CDHR2: variants seen among roughly 807,000 people sequenced by gnomAD.
CDHR2 encodes the protein cadherin-related family member 2.
A neutral mutation model predicts 138.6 loss-of-function variants in CDHR2; 104 were observed. The ratio of observed to expected loss-of-function variants is 0.75; its 90% CI spans 0.64 to 0.88. The LOEUF is 0.88. Among genes scored for constraint, CDHR2 ranks in the 40% least tolerant of loss-of-function variants. CDHR2 has a pLI of 0.00. For missense variants in CDHR2, 1,624 were observed against 1,727.6 expected (o/e 0.94, Z 1.06); for synonymous variants, 755 against 742.8 (o/e 1.02, Z -0.27).
At chr5:176,589,818 G>T (rs1246173115) in intron 24 of CDHR2, among the ~76,000 whole-genome samples, 1 of 152,198 alleles carries the variant, frequency 6.6e-6, no homozygotes, top group African/African-American at 2.4e-5. Context: ...GCAGAGGGAA[G>T]CCTTGGAACA....
chr5:176,578,020 T>A lies in CDHR2; in HGVS notation c.1513-14T>A, dbSNP rs766409167. 4 of 1,607,408 alleles carry A rather than the reference T, an allele frequency of 2.5e-6. No homozygotes were observed. The East Asian group carries it at 6.7e-5, about 27-fold the overall frequency. On this transcript the variant is annotated splice_polypyrimidine_tract_variant and intron_variant, in intron 14 of 31. Coordinates refer to ENST00000261944, the MANE Select transcript of CDHR2 (RefSeq NM_017675.6). ...CGCCTCCACACAGCACCCTGCCATG[T>A]CTCTGCCTCACAGGCCACGGACCCA...
At chr5:176,578,767 C>A (rs188680698) in intron 16 of CDHR2, among the ~76,000 whole-genome samples, 159 bp downstream of exon 16, 1 of 152,176 alleles carries the variant, frequency 6.6e-6, no homozygotes, top group Non-Finnish European at 1.5e-5. Flanking sequence ...AAAATTATAG[C>A]CTTACTCTCA....
rs112561151 is a variant in CDHR2 at position 176,578,297 on chromosome 5, A to C, written c.1575-68A>C. On this transcript the variant is annotated intron_variant, in intron 15 of 31. Transcript: ENST00000261944. ...GATATGCTGAAATATTTGTTGTTGT[A>C]TATCTGAAATTCACACTGAAATGGG... 1.5e-5 allele frequency: 22 copies of C among 1,447,258 alleles called. No individual in the cohort carries two copies. The African/African-American group carries it at 1.8e-4, about 12-fold the overall frequency. The allele number at this position is 1,447,258 out of a possible 1,614,324, so 89.7% of individuals were successfully genotyped here.
In CDHR2 at chr5:176,567,330, G is replaced by A. The variant is rs1758108168; in HGVS notation, c.125-1348G>A. Reference sequence around the variant, plus strand: ...CTACAGGCATGTGCCACCATGCCTAGCTAATATTTTATTTTTTAAAGTAGA... The same window carrying A: ...CTACAGGCATGTGCCACCATGCCTAACTAATATTTTATTTTTTAAAGTAGA... On this transcript the variant is annotated intron_variant, in intron 3 of 31. Coordinates refer to ENST00000261944, the MANE Select transcript of CDHR2 (RefSeq NM_017675.6). Among the ~76,000 whole-genome samples the A allele has an allele frequency of 1.3e-5, 2 of 151,872 alleles. 1 individual carries two copies. Among genetic ancestry groups the A allele is most frequent in the South Asian group, 4.2e-4 (2 of 4,806 alleles).
At chr5:176,555,752 A>T (rs12655817) in intron 1 of CDHR2, among the ~76,000 whole-genome samples, 1 of 151,908 alleles carries the variant, frequency 6.6e-6, no homozygotes, top group Non-Finnish European at 1.5e-5. Flanking sequence ...ACTAAAAATA[A>T]AAAAATTAGC....
At position 176,590,471 on chromosome 5, in the gene CDHR2, G is replaced by A; in HGVS notation, c.3400G>A (p.Gly1134Arg). ...QDSLTQLLQL[G>R]LVVLGSQESQ... is the part of the protein sequence containing the mutation. ...CTCGCTGACGCAGCTGCTGCAGCTGGGGCTGGTGGTGCTGGTGAGTGCGGG... is the reference window on the plus strand; with the variant it reads ...CTCGCTGACGCAGCTGCTGCAGCTGAGGCTGGTGGTGCTGGTGAGTGCGGG... The change falls in exon 27 of 32, where the codon GGG (glycine) becomes AGG (arginine). Residue 1134 changes from glycine to arginine, a missense_variant. By Grantham distance (125) the Gly-to-Arg change is moderately radical. Transcript: ENST00000261944. The A allele has an allele frequency of 5.6e-6, 9 of 1,613,958 alleles. No individual in the cohort carries two copies. Among genetic ancestry groups the A allele is most frequent in the Non-Finnish European group, 6.8e-6 (8 of 1,179,920 alleles).
chr5:176,571,330 G>A lies in CDHR2; in HGVS notation c.405+28G>A, dbSNP rs138479260. 177 of 1,533,478 alleles carry A rather than the reference G, an allele frequency of 1.2e-4. 1 individual carries two copies. In the African/African-American group the frequency reaches 2.1e-3, roughly 18 times the overall value. The allele number at this position is 1,533,478 out of a possible 1,614,324, so 95.0% of individuals were successfully genotyped here. ...GACACCTGCCTTAATGTGGTTGTGG[G>A]GCAGGGGGCATCCCAAAGTGCTTCT... On this transcript the variant is annotated intron_variant, in intron 6 of 31. Transcript: ENST00000261944.
intron 21 of CDHR2, among the ~76,000 whole-genome samples, chr5:176,587,323 C>T (rs1293657344): frequency 2.0e-5 from 3 of 152,224 alleles, no homozygotes; most frequent in East Asian, 1.9e-4. Context: ...TGGTGCATGC[C>T]TGTAATCCCA....
chr5:176,568,225 G>A (rs1758127797), intron 3 of CDHR2, among the ~76,000 whole-genome samples: 1 of 152,186 alleles, frequency 6.6e-6, no homozygotes, highest in Non-Finnish European at 1.5e-5. Flanking sequence ...GCCCAGGCAT[G>A]CAGTACAAGA....
At chr5:176,589,814 G>A (rs140264129) in intron 24 of CDHR2, among the ~76,000 whole-genome samples, 198 bp downstream of exon 24, 5 of 152,308 alleles carry the variant, frequency 3.3e-5, no homozygotes, top group Non-Finnish European at 7.4e-5. Context: ...AAGGGCAGAG[G>A]GAAGCCTTGG....
rs1191365785 is a variant in CDHR2, at chr5:176,543,029, T to G, written c.-16+260T>G. Among the ~76,000 whole-genome samples, 1 of 151,208 alleles carries G rather than the reference T, an allele frequency of 6.6e-6. No homozygotes were observed. The highest frequency in any genetic ancestry group is 2.1e-4 in the South Asian group (1 of 4,798). On this transcript the variant is annotated intron_variant, in intron 1 of 31. Coordinates refer to the CDHR2 transcript ENST00000510636. The surrounding 1 kb of genome is among the most constrained non-coding windows in gnomAD (Gnocchi z 4.0). The stretch of plus-strand genomic sequence containing the variant: ...CGCAGGGCACGCGGGGGCTCGGAGT[T>G]CCCCGGGGCTCCCCGAGTTGGGGCG...
In CDHR2 at chr5:176,576,461, TG is replaced by T. The variant is rs923648760; in HGVS notation, c.1194+279del. On this transcript the variant is annotated intron_variant, in intron 12 of 31. Transcript: ENST00000261944. This position sits in a 1 kb window ranked among gnomAD's most constrained non-coding sequence, Gnocchi z 4.5. ...AGTAGAACATCATTGTCCGTGGTGA[TG>T]GGTGGCTGGCGAGGTCTCCTGGCAT... Among the ~76,000 whole-genome samples the T allele has an allele frequency of 6.6e-6, 1 of 151,806 alleles. No homozygotes were observed. The highest frequency in any genetic ancestry group is 2.4e-5 in the African/African-American group (1 of 41,306).
At chr5:176,592,327 G>T (rs1349258951) in intron 30 of CDHR2, among the ~76,000 whole-genome samples, 6 of 150,484 alleles carry the variant, frequency 4.0e-5, no homozygotes, top group Non-Finnish European at 8.9e-5. Context: ...TGGTGTTGGT[G>T]TTGAGGTGAT....
chr5:176,591,630 G>A lies in CDHR2; in HGVS notation c.3734+146G>A, dbSNP rs528610191. 734 of 615,464 alleles carry A rather than the reference G, an allele frequency of 1.2e-3. 1 individual carries two copies. Among genetic ancestry groups the A allele is most frequent in the Non-Finnish European group, 1.8e-3 (616 of 337,386 alleles). 38.1% of individuals were successfully genotyped at this position (615,464 alleles called of 1,614,324 possible). A position where few individuals can be genotyped will look rare whatever the true frequency, so the allele number is the denominator to read the frequency against. On this transcript the variant is annotated intron_variant, in intron 30 of 31. Transcript: ENST00000261944. ...AGTAGTGGTAGTTATGGTGGTGGTG[G>A]TGATGGTAGTGAGGTGATGGTGATG...
chr5:176,568,594 C>T, intron 3 of CDHR2, 84 bp from the exon 4 acceptor site: 1 of 1,512,402 alleles, frequency 6.6e-7, no homozygotes, highest in Non-Finnish European at 9.0e-7. Context: ...AGCCAGGCGC[C>T]CAGCCCAGCC....
In CDHR2 at chr5:176,576,013, T is replaced by C. The variant is rs748543885; in HGVS notation, c.1022T>C (p.Val341Ala). ...QEAKVSIWVT[V>A]RVMDVNDHKP... ...GCCAAGGTGAGCATCTGGGTGACAG[T>C]GAGAGTGATGGACGTCAATGACCAC... The change falls in exon 12 of 32, where the codon GTG becomes GCG. Residue 341 changes from valine to alanine, a missense_variant. By Grantham distance (64) the Val-to-Ala change is moderately conservative. Coordinates refer to ENST00000261944, the MANE Select transcript of CDHR2 (RefSeq NM_017675.6). The surrounding 1 kb of genome is among the most constrained non-coding windows in gnomAD (Gnocchi z 4.5). 66 of 1,611,872 alleles carry C rather than the reference T, an allele frequency of 4.1e-5. No individual in the cohort carries two copies. Among genetic ancestry groups the C allele is most frequent in the Non-Finnish European group, 5.5e-5 (65 of 1,179,784 alleles).
intron 3 of CDHR2, among the ~76,000 whole-genome samples, chr5:176,568,141 G>A (rs1279373489): frequency 1.3e-5 from 2 of 152,234 alleles, no homozygotes; most frequent in Admixed American, 1.3e-4. Context: ...TGGGGGCTCA[G>A]GGATAGGGTG....
At chr5:176,575,682 C>A (rs1223330424) in intron 10 of CDHR2, 42 bp from the exon 11 acceptor site, 1 of 1,595,314 alleles carries the variant, frequency 6.3e-7, no homozygotes, top group Admixed American at 1.7e-5. Context: ...GTCAGAGCCA[C>A]TGGAGCAGCT....
At chr5:176,585,104 C>A in intron 19 of CDHR2, 89 bp downstream of exon 19, 1 of 1,409,030 alleles carries the variant, frequency 7.1e-7, no homozygotes, top group Non-Finnish European at 9.4e-7. Flanking sequence ...AAGGTCTGGG[C>A]TCAGATCTTG....
Sources: gnomAD v4.1 joint callset for allele counts (sites outside exome capture counted in the v4.1 genomes callset) on GRCh38, gnomAD v4.1.1 for gene constraint, Gnocchi (gnomAD v3.1) non-coding constraint, MANE v1.5 for transcripts, NCBI Gene and HGNC (gene_info 2026-07-23, HGNC 2026-07-21) for gene names.